KCNK13: variants seen among roughly 807,000 people sequenced by gnomAD.
KCNK13 encodes the protein potassium two pore domain channel subfamily K member 13, also known as potassium channel subfamily K member 13.
KCNK13 carries 12 observed loss-of-function variants against 23.4 expected under a neutral mutation model. The observed-to-expected ratio is 0.51, with a 90% CI of 0.33 to 0.83. KCNK13 has a LOEUF of 0.83. Among genes scored for constraint, KCNK13 ranks in the 40% least tolerant of loss-of-function variants. The pLI is 0.02. For missense variants in KCNK13, 463 were observed against 556.3 expected (o/e 0.83, Z 1.69); for synonymous variants, 231 against 229.5 (o/e 1.01, Z -0.06).
intron 1 of KCNK13, among the ~76,000 whole-genome samples, chr14:90,114,598 T>A (rs1358593264): frequency 6.6e-6 from 1 of 152,214 alleles, no homozygotes; most frequent in East Asian, 1.9e-4. Context: ...ACCACGGAGG[T>A]CACCTGCGTT....
chr14:90,078,052 T>C (rs1370840488), intron 1 of KCNK13, among the ~76,000 whole-genome samples: 1 of 152,200 alleles, frequency 6.6e-6, no homozygotes, highest in Non-Finnish European at 1.5e-5. Context: ...CTATACTATT[T>C]CTCAACCTAC....
intron 1 of KCNK13, among the ~76,000 whole-genome samples, chr14:90,129,272 C>CT (rs905282541): frequency 1.3e-5 from 2 of 152,078 alleles, no homozygotes; most frequent in Non-Finnish European, 1.5e-5. Flanking sequence ...GGCACTGGGG[C>CT]TTTTTTCCAG....
chr14:90,096,824 C>A (rs144802196), intron 1 of KCNK13, among the ~76,000 whole-genome samples: 9 of 152,306 alleles, frequency 5.9e-5, no homozygotes, highest in African/African-American at 2.2e-4. Flanking sequence ...TGCTTCTTCT[C>A]ATTCTTGGCT....
chr14:90,151,253 C>T (rs1043873427), intron 1 of KCNK13, among the ~76,000 whole-genome samples: 1 of 152,218 alleles, frequency 6.6e-6, no homozygotes, highest in African/African-American at 2.4e-5. Flanking sequence ...TATTTTTTCA[C>T]ATTCCCACCA....
chr14:90,154,030 G>T (rs184780171), intron 1 of KCNK13, among the ~76,000 whole-genome samples: 50 of 152,258 alleles, frequency 3.3e-4, no homozygotes, highest in African/African-American at 1.2e-3. Flanking sequence ...CTGCATCTCT[G>T]ATTGGCCCTA....
At chr14:90,088,173 T>C (rs1434473067) in intron 1 of KCNK13, among the ~76,000 whole-genome samples, 1 of 151,938 alleles carries the variant, frequency 6.6e-6, no homozygotes, top group African/African-American at 2.4e-5. Flanking sequence ...TGGCTAATTT[T>C]TGTATTTGTA....
At chr14:90,074,161 G>C (rs1225563219) in intron 1 of KCNK13, among the ~76,000 whole-genome samples, 1 of 152,000 alleles carries the variant, frequency 6.6e-6, no homozygotes, top group Non-Finnish European at 1.5e-5. Flanking sequence ...ATAGAAACAG[G>C]GTGTCACCAT....
At chr14:90,124,125 T>C (rs1219777063) in intron 1 of KCNK13, among the ~76,000 whole-genome samples, 3 of 152,250 alleles carry the variant, frequency 2.0e-5, no homozygotes, top group Non-Finnish European at 2.9e-5. Context: ...TTTTCATGGA[T>C]AGGATACTTT....
At chr14:90,076,236 A>G (rs1330519236) in intron 1 of KCNK13, among the ~76,000 whole-genome samples, 1 of 152,236 alleles carries the variant, frequency 6.6e-6, no homozygotes, top group South Asian at 2.1e-4. Flanking sequence ...GTTTAAACAC[A>G]TAGAAATTTA....
In KCNK13 at chr14:90,062,656, C is replaced by A; in HGVS notation, c.334+117C>A. The stretch of plus-strand genomic sequence containing the variant: ...CATCTGGGCGCCCAGCCAGACTCCA[C>A]TGACATGAGCTGTCGCCTGATCAAC... On this transcript the variant is annotated intron_variant, in intron 1 of 1. Coordinates refer to ENST00000282146, the MANE Select transcript of KCNK13 (RefSeq NM_022054.4). The surrounding 1 kb of genome is among the most constrained non-coding windows in gnomAD (Gnocchi z 4.5). 1.4e-6 allele frequency: 1 copy of A among 726,964 alleles called. No homozygotes were observed. The highest frequency in any genetic ancestry group is 1.9e-5 in the African/African-American group (1 of 53,556). The allele number at this position is 726,964 out of a possible 1,614,324, so 45.0% of individuals were successfully genotyped here.
intron 1 of KCNK13, among the ~76,000 whole-genome samples, chr14:90,120,375 T>TGG (rs909510001): frequency 6.6e-6 from 1 of 152,202 alleles, no homozygotes; most frequent in African/African-American, 2.4e-5. Context: ...AGTCCATTCT[T>TGG]ACACTGCTAT....
chr14:90,107,316 A>G (rs1889557062), intron 1 of KCNK13, among the ~76,000 whole-genome samples: 1 of 152,038 alleles, frequency 6.6e-6, no homozygotes, highest in African/African-American at 2.4e-5. Flanking sequence ...CATCTCTACT[A>G]AAATAGAAAA....
intron 1 of KCNK13, among the ~76,000 whole-genome samples, chr14:90,065,699 G>A (rs1005414169): frequency 2.0e-5 from 3 of 152,172 alleles, no homozygotes; most frequent in Non-Finnish European, 2.9e-5. Context: ...AAGGAGCACG[G>A]GGATGTAATT....
At chr14:90,157,867 A>G (rs912845608) in intron 1 of KCNK13, among the ~76,000 whole-genome samples, 6 of 149,672 alleles carry the variant, frequency 4.0e-5, no homozygotes, top group Non-Finnish European at 7.4e-5. Flanking sequence ...CGCCCGGCTA[A>G]TTTTTGTATT....
At chr14:90,097,499 T>C (rs1152446) in intron 1 of KCNK13, among the ~76,000 whole-genome samples, 117,637 of 151,984 alleles carry the variant, frequency 0.77, 45,820 homozygotes, top group East Asian at 0.91. Flanking sequence ...ACCCAAACAC[T>C]TCCCTCTAGG....
At chr14:90,065,808 G>A (rs1431345017) in intron 1 of KCNK13, among the ~76,000 whole-genome samples, 1 of 152,198 alleles carries the variant, frequency 6.6e-6, no homozygotes, top group Non-Finnish European at 1.5e-5. Flanking sequence ...AGTGTGCCAG[G>A]AAATGATAAC....
chr14:90,077,238 G>A (rs561811897), intron 1 of KCNK13, among the ~76,000 whole-genome samples: 1 of 150,356 alleles, frequency 6.7e-6, no homozygotes, highest in East Asian at 2.0e-4. Flanking sequence ...CCCTGCCTCA[G>A]CCTATTGAGT....
chr14:90,071,703 T>G (rs889740951), intron 1 of KCNK13, among the ~76,000 whole-genome samples: 1 of 152,016 alleles, frequency 6.6e-6, no homozygotes, highest in African/African-American at 2.4e-5. Context: ...TCAAGACCAT[T>G]GTGGCCAACA....
At chr14:90,169,171 A>G (rs192460568) in intron 1 of KCNK13, among the ~76,000 whole-genome samples, 4 of 152,364 alleles carry the variant, frequency 2.6e-5, no homozygotes, top group Admixed American at 2.6e-4. Flanking sequence ...ATTTTTAAAT[A>G]CTGCAAATAA....
Sources: allele counts gnomAD v4.1 joint callset (sites outside exome capture counted in the v4.1 genomes callset), GRCh38; gene constraint gnomAD v4.1.1; non-coding constraint Gnocchi (gnomAD v3.1); transcripts MANE v1.5; gene names NCBI Gene and HGNC (gene_info 2026-07-23, HGNC 2026-07-21).